The following CDC16 variants were observed in gnomAD, a reference collection of about 807,000 sequenced individuals.
CDC16 encodes the protein cell division cycle 16, also known as cell division cycle protein 16 homolog.
CDC16 carries 34 observed loss-of-function variants against 87.0 expected under a neutral mutation model. The ratio of observed to expected loss-of-function variants is 0.39; its 90% CI spans 0.30 to 0.52. The LOEUF is 0.52. Among genes scored for constraint, CDC16 ranks in the 20% least tolerant of loss-of-function variants. CDC16 has a pLI of 0.74. For synonymous variants in CDC16, 263 were observed against 260.6 expected, an observed-to-expected ratio of 1.01 and a Z score of -0.09; for missense variants, 653 against 751.9, an observed-to-expected ratio of 0.87 and a Z score of 1.54.
At chr13:114,248,473 G>C (rs1356548266) in intron 11 of CDC16, among the ~76,000 whole-genome samples, 1 of 152,170 alleles carries the variant, frequency 6.6e-6, no homozygotes, top group Non-Finnish European at 1.5e-5. Context: ...CTTAGGTCAG[G>C]AGTTCGAGAC....
In CDC16 at chr13:114,235,219, G is replaced by A. The variant is rs1023668254; in HGVS notation, c.48+87G>A. On this transcript the variant is annotated intron_variant, in intron 1 of 17. Transcript: ENST00000356221. ...TGGGGCTGGGGTGACTGTTGTCGGGGCTCTTGGTGGGGAAGGACTGGGCCG... is the reference window on the plus strand; with the variant it reads ...TGGGGCTGGGGTGACTGTTGTCGGGACTCTTGGTGGGGAAGGACTGGGCCG... The A allele has an allele frequency of 7.5e-6, 7 of 939,570 alleles. No homozygotes were observed. The South Asian group carries it at 2.6e-4, about 35-fold the overall frequency. The allele number at this position is 939,570 out of a possible 1,614,324, so 58.2% of individuals were successfully genotyped here. A position where few individuals can be genotyped will look rare whatever the true frequency, so the allele number is the denominator to read the frequency against.
chr13:114,254,622 A>G (rs2082388937), intron 12 of CDC16, among the ~76,000 whole-genome samples: 2 of 152,204 alleles, frequency 1.3e-5, no homozygotes, highest in Non-Finnish European at 2.9e-5. Context: ...TAAATCAGAT[A>G]GAAGAGTTAA....
chr13:114,245,948 T>C (rs2081844983), intron 9 of CDC16, 52 bp from the exon 10 acceptor site: 1 of 971,112 alleles, frequency 1.0e-6, no homozygotes, highest in Non-Finnish European at 1.6e-6. Context: ...AATCATGTCT[T>C]AAATTACATG....
chr13:114,251,071 A>G (rs961558253), intron 12 of CDC16, among the ~76,000 whole-genome samples: 9 of 152,226 alleles, frequency 5.9e-5, no homozygotes, highest in African/African-American at 9.6e-5. Context: ...CTAGATTTAT[A>G]TCAATATTAA....
At chr13:114,251,807 C>T (rs142716935) in intron 12 of CDC16, among the ~76,000 whole-genome samples, 1,542 of 152,338 alleles carry the variant, frequency 0.01, 24 homozygotes, top group African/African-American at 0.034. Context: ...AACTGCCTTC[C>T]TGCTGTGTCC....
chr13:114,254,736 C>T (rs973663947), intron 12 of CDC16, among the ~76,000 whole-genome samples: 1 of 152,154 alleles, frequency 6.6e-6, no homozygotes, highest in Non-Finnish European at 1.5e-5. Flanking sequence ...GAAGACCCTC[C>T]CCAACCATCT....
At chr13:114,260,482 C>T (rs1354024030) in intron 14 of CDC16, among the ~76,000 whole-genome samples, 4 of 152,308 alleles carry the variant, frequency 2.6e-5, no homozygotes, top group African/African-American at 9.6e-5. Flanking sequence ...TGCAGAATCT[C>T]AGACCAACTG....
At chr13:114,255,410 T>TA (rs2082433287) in intron 12 of CDC16, among the ~76,000 whole-genome samples, 1 of 152,166 alleles carries the variant, frequency 6.6e-6, no homozygotes, top group Admixed American at 6.5e-5. Context: ...TGGTAAACCT[T>TA]ACATTTCTGT....
At position 114,244,551 on chromosome 13, in the gene CDC16, G is replaced by A. The variant is rs141659366; in HGVS notation, c.768-339G>A. On this transcript the variant is annotated intron_variant, in intron 8 of 17. Coordinates refer to ENST00000356221, the MANE Select transcript of CDC16 (RefSeq NM_001078645.3). The stretch of plus-strand genomic sequence containing the variant: ...TGTTGAACGTAGTGGTAAAACTGCA[G>A]TTATTTTTGCACCAACCTAATAGGA... The A allele has an allele frequency of 8.1e-3, 1,540 of 190,348 alleles. 22 individuals carry two copies. Among genetic ancestry groups the A allele is most frequent in the African/African-American group, 0.034 (1,451 of 43,110 alleles). 11.8% of individuals were successfully genotyped at this position (190,348 alleles called of 1,614,324 possible). A position where few individuals can be genotyped will look rare whatever the true frequency, so the allele number is the denominator to read the frequency against.
chr13:114,243,739 A>C lies in CDC16; in HGVS notation c.634-117A>C, dbSNP rs2081686712. 1.1e-5 allele frequency: 8 copies of C among 734,190 alleles called. No individual in the cohort carries two copies. In the South Asian group the frequency reaches 1.7e-4, roughly 15 times the overall value. 45.5% of individuals were successfully genotyped at this position (734,190 alleles called of 1,614,324 possible). The stretch of plus-strand genomic sequence containing the variant: ...AAAACCTAAAGTTATAAGTTTTCAG[A>C]GGCTCTCACATTTGTTCTTGTAAAT... On this transcript the variant is annotated intron_variant, in intron 7 of 17. Transcript: ENST00000356221.
intron 13 of CDC16, among the ~76,000 whole-genome samples, chr13:114,258,991 C>T (rs943250349): frequency 2.6e-5 from 4 of 150,976 alleles, no homozygotes; most frequent in Middle Eastern, 3.4e-3. Context: ...CCAGCTGTGT[C>T]AGGAGGCTGA....
chr13:114,258,700 A>G (rs17291403), intron 13 of CDC16, among the ~76,000 whole-genome samples: 32 of 152,326 alleles, frequency 2.1e-4, no homozygotes, highest in South Asian at 2.1e-3. Context: ...GCATTGATCA[A>G]TTAGAGAAAA....
At chr13:114,248,749 G>A (rs991689725) in intron 11 of CDC16, among the ~76,000 whole-genome samples, 2 of 152,112 alleles carry the variant, frequency 1.3e-5, no homozygotes, top group Non-Finnish European at 2.9e-5. Flanking sequence ...TAGGAAGACT[G>A]ATGCCACGAA....
chr13:114,237,744 G>A (rs543072779), intron 3 of CDC16, among the ~76,000 whole-genome samples: 2 of 152,218 alleles, frequency 1.3e-5, no homozygotes, highest in East Asian at 1.9e-4. Flanking sequence ...CCACTCGTAC[G>A]TGTCAGGCCT....
intron 10 of CDC16, among the ~76,000 whole-genome samples, chr13:114,246,549 A>G (rs373196300): frequency 5.3e-5 from 8 of 152,222 alleles, no homozygotes; most frequent in East Asian, 1.9e-4. Flanking sequence ...TCAGACGACA[A>G]GAATTTGCAC....
chr13:114,272,431 C>A lies in CDC16; in HGVS notation c.1851C>A (p.Asp617Glu). The A allele has an allele frequency of 6.2e-7, 1 of 1,613,732 alleles. No homozygotes were observed. The highest frequency in any genetic ancestry group is 8.5e-7 in the Non-Finnish European group (1 of 1,179,674). Residue 617 changes from aspartate (D) to glutamate (E), a missense_variant, in exon 18 of 18, where the codon GAC becomes GAA. By Grantham distance (45) the Asp-to-Glu change is conservative. Coordinates refer to ENST00000356221, the MANE Select transcript of CDC16 (RefSeq NM_001078645.3). ...SDMMLETSMS[D>E]HST ...TGATGTTAGAGACATCTATGTCAGACCACAGCACGTGACTCCAGTCAGTGG... is the reference window on the plus strand; with the variant it reads ...TGATGTTAGAGACATCTATGTCAGAACACAGCACGTGACTCCAGTCAGTGG...
At position 114,253,178 on chromosome 13, in the gene CDC16, TCTTAA is replaced by T. The variant is rs1213303824; in HGVS notation, c.1097+2508_1097+2512del. Among the ~76,000 whole-genome samples the T allele has an allele frequency of 6.6e-5, 10 of 152,366 alleles. No homozygotes were observed. The South Asian group carries it at 1.9e-3, about 28-fold the overall frequency. Reference sequence around the variant, plus strand: ...TATCTGTCAGAGCAGCTCTGCATTTTCTTAACTTGTCTGTGTTTGGATAAATGTTT... The same window carrying T: ...TATCTGTCAGAGCAGCTCTGCATTTTCTTGTCTGTGTTTGGATAAATGTTT... On this transcript the variant is annotated intron_variant, in intron 12 of 17. Coordinates refer to ENST00000356221, the MANE Select transcript of CDC16 (RefSeq NM_001078645.3).
chr13:114,242,865 C>G (rs2081624267), intron 6 of CDC16, among the ~76,000 whole-genome samples: 1 of 152,176 alleles, frequency 6.6e-6, no homozygotes, highest in Non-Finnish European at 1.5e-5. Flanking sequence ...TTTGTCACAG[C>G]TTAGGGGCAG....
intron 16 of CDC16, chr13:114,264,846 G>C (rs1332713461): frequency 1.3e-5 from 3 of 224,576 alleles, no homozygotes; most frequent in Admixed American, 4.9e-5. Context: ...GAGCCCAGGT[G>C]ATCCACCCGT....
Sources: gnomAD v4.1 joint callset for allele counts (sites outside exome capture counted in the v4.1 genomes callset) on GRCh38, gnomAD v4.1.1 for gene constraint, MANE v1.5 for transcripts, NCBI Gene and HGNC (gene_info 2026-07-23, HGNC 2026-07-21) for gene names.